SLC35D4: variants seen among roughly 807,000 people sequenced by gnomAD.
The protein encoded by SLC35D4 is solute carrier family 35 member D4.
chr18:23,332,398 G>A, the SLC35D4 span, among the ~76,000 whole-genome samples: 2 of 151,738 alleles, frequency 1.3e-5, no homozygotes, highest in Non-Finnish European at 2.9e-5. Context: ...ACTGAGGAGG[G>A]GGAATACGTA....
chr18:23,296,650 T>C, the SLC35D4 span: 1 of 152,076 alleles, frequency 6.6e-6, no homozygotes, highest in African/African-American at 2.4e-5. Context: ...GCCTGAAAAA[T>C]ATACTTCAGT....
the SLC35D4 span, among the ~76,000 whole-genome samples, chr18:23,375,067 A>G: frequency 1.3e-5 from 2 of 151,770 alleles, no homozygotes; most frequent in Admixed American, 6.6e-5. Flanking sequence ...GTGAGCCAAG[A>G]TGGCACCACT....
the SLC35D4 span, among the ~76,000 whole-genome samples, chr18:23,404,498 C>A: frequency 1.3e-5 from 2 of 151,100 alleles, no homozygotes; most frequent in Non-Finnish European, 2.9e-5. Context: ...CATGGTGAAA[C>A]CCCGTCTCTA....
chr18:23,326,757 C>T, the SLC35D4 span, among the ~76,000 whole-genome samples: 3 of 152,198 alleles, frequency 2.0e-5, no homozygotes, highest in East Asian at 1.9e-4. Flanking sequence ...ACATTCTTCT[C>T]AGCACCACAT....
the SLC35D4 span, among the ~76,000 whole-genome samples, chr18:23,408,030 C>T: frequency 1.3e-5 from 2 of 152,122 alleles, no homozygotes; most frequent in African/African-American, 4.8e-5. Flanking sequence ...ACCCTCTCCC[C>T]ACAAATCACC....
At chr18:23,316,442 T>C in the SLC35D4 span, among the ~76,000 whole-genome samples, 1 of 152,236 alleles carries the variant, frequency 6.6e-6, no homozygotes, top group Admixed American at 6.5e-5. Flanking sequence ...CATAACTCTA[T>C]TCGGCATTAA....
chr18:23,325,259 T>A, the SLC35D4 span, among the ~76,000 whole-genome samples: 2 of 151,842 alleles, frequency 1.3e-5, no homozygotes, highest in Non-Finnish European at 2.9e-5. Flanking sequence ...TTTGAAGGAG[T>A]AGGGGATTTT....
chr18:23,415,736 G>A, the SLC35D4 span, among the ~76,000 whole-genome samples: 1 of 152,248 alleles, frequency 6.6e-6, no homozygotes, highest in Non-Finnish European at 1.5e-5. Context: ...GTATTGACAA[G>A]CTTATGGCTG....
chr18:23,266,881 G>A, the SLC35D4 span, among the ~76,000 whole-genome samples: 2 of 152,358 alleles, frequency 1.3e-5, no homozygotes, highest in South Asian at 2.1e-4. Flanking sequence ...CTCCCCCAGA[G>A]AGGCTCCCTC....
the SLC35D4 span, among the ~76,000 whole-genome samples, chr18:23,249,863 A>C: frequency 2.0e-5 from 3 of 152,282 alleles, no homozygotes; most frequent in Admixed American, 6.5e-5. Flanking sequence ...GAAGGAGAGA[A>C]AAGCAGGAAG....
At chr18:23,390,541 T>C in the SLC35D4 span, among the ~76,000 whole-genome samples, 6 of 152,258 alleles carry the variant, frequency 3.9e-5, no homozygotes, top group Non-Finnish European at 7.3e-5. Flanking sequence ...AATTTTTCTC[T>C]GGCTATAAAG....
the SLC35D4 span, among the ~76,000 whole-genome samples, chr18:23,350,365 G>C: frequency 6.6e-5 from 10 of 152,146 alleles, no homozygotes; most frequent in Non-Finnish European, 1.3e-4. Context: ...GGCCAGAAAG[G>C]CTTCTCCCTG....
At chr18:23,365,408 G>A in the SLC35D4 span, among the ~76,000 whole-genome samples, 1 of 152,312 alleles carries the variant, frequency 6.6e-6, no homozygotes, top group East Asian at 1.9e-4. Context: ...GTATATCTGA[G>A]ATCATACTGG....
the SLC35D4 span, among the ~76,000 whole-genome samples, chr18:23,420,743 TC>T: frequency 6.6e-6 from 1 of 152,212 alleles, no homozygotes; most frequent in Non-Finnish European, 1.5e-5. Context: ...ATTCATCATA[TC>T]CTATGATCTA....
chr18:23,400,704 T>A, the SLC35D4 span, among the ~76,000 whole-genome samples: 2 of 152,146 alleles, frequency 1.3e-5, no homozygotes, highest in African/African-American at 4.8e-5. Context: ...TAAAAATAAA[T>A]GAAACCATTC....
At chr18:23,246,667 A>AGG in the SLC35D4 span, among the ~76,000 whole-genome samples, 3 of 151,632 alleles carry the variant, frequency 2.0e-5, no homozygotes, top group South Asian at 2.1e-4. Flanking sequence ...CTGGGATTAT[A>AGG]TGCTTGAGCC....
At chr18:23,261,219 C>T in the SLC35D4 span, among the ~76,000 whole-genome samples, 2 of 152,110 alleles carry the variant, frequency 1.3e-5, no homozygotes, top group Non-Finnish European at 2.9e-5. Flanking sequence ...GTCCCAGCTA[C>T]TCAGGAAGCT....
chr18:23,285,959 C>A, the SLC35D4 span, among the ~76,000 whole-genome samples: 4 of 152,134 alleles, frequency 2.6e-5, no homozygotes, highest in Admixed American at 6.5e-5. Context: ...AAAATCCAGC[C>A]CCGTTCATGG....
At chr18:23,435,732 T>C in the SLC35D4 span, among the ~76,000 whole-genome samples, 1 of 152,268 alleles carries the variant, frequency 6.6e-6, no homozygotes, top group Non-Finnish European at 1.5e-5. Flanking sequence ...TCTGGCTCTA[T>C]TGCCCAGGCT....
Sources: allele counts gnomAD v4.1 joint callset (sites outside exome capture counted in the v4.1 genomes callset), GRCh38; gene constraint gnomAD v4.1.1; transcripts MANE v1.5; gene names NCBI Gene and HGNC (gene_info 2026-07-23, HGNC 2026-07-21).